The following GPM6A variants were observed in gnomAD, a reference collection of about 807,000 sequenced individuals.
GPM6A encodes the protein neuronal membrane glycoprotein M6-a.
GPM6A carries 7 observed loss-of-function variants against 32.1 expected under a neutral mutation model. That is an observed-to-expected ratio of 0.22 (90% CI 0.12 to 0.41). The LOEUF (loss-of-function observed/expected upper bound fraction) is 0.41, where lower values mean the gene tolerates loss of function less well. Among genes scored for constraint, GPM6A ranks in the 10% least tolerant of loss-of-function variants. The pLI is 1.00. For missense variants in GPM6A, 235 were observed against 347.2 expected (o/e 0.68, Z 2.57); for synonymous variants, 130 against 123.4 (o/e 1.05, Z -0.35).
chr4:175,914,087 GGTTTTTAGGGCTTCCACAT>G (rs1738407863), intron 1 of GPM6A, among the ~76,000 whole-genome samples: 1 of 151,950 alleles, frequency 6.6e-6, no homozygotes, highest in South Asian at 2.1e-4. Context: ...TCCCTAAGAG[GGTTTTTAGGGCTTCCACAT>G]TTAAGGGAGG....
intron 6 of GPM6A, among the ~76,000 whole-genome samples, chr4:175,637,935 G>T (rs551562102): frequency 4.5e-5 from 6 of 132,144 alleles, no homozygotes. Flanking sequence ...GAAACTCAAG[G>T]TCACTCCAAT....
At chr4:175,878,690 T>C (rs1178928765) in intron 1 of GPM6A, among the ~76,000 whole-genome samples, 3 of 152,118 alleles carry the variant, frequency 2.0e-5, no homozygotes, top group African/African-American at 7.2e-5. Context: ...TGAAGGTTTC[T>C]GACATGCCCT....
chr4:175,947,301 T>C (rs558421628), intron 1 of GPM6A, among the ~76,000 whole-genome samples: 1 of 152,196 alleles, frequency 6.6e-6, no homozygotes, highest in Admixed American at 6.5e-5. Flanking sequence ...CTTCCTGTGA[T>C]TTCCACAGCA....
chr4:175,784,742 T>C (rs950841455), intron 1 of GPM6A, among the ~76,000 whole-genome samples: 1 of 152,104 alleles, frequency 6.6e-6, no homozygotes, highest in African/African-American at 2.4e-5. Flanking sequence ...TGTGTGTGTG[T>C]TTGTGTAATC....
In GPM6A at chr4:175,697,994, T is replaced by C. The variant is rs528943207; in HGVS notation, c.230+3581A>G. On this transcript the variant is annotated intron_variant, in intron 2 of 6. Coordinates refer to ENST00000393658, the MANE Select transcript of GPM6A (RefSeq NM_201591.3). The stretch of plus-strand genomic sequence containing the variant: ...AACCGAATAGTCACACGTCATTGCG[T>C]TTGCTGTTGCCTTTCATGTCTCCCT... Among the ~76,000 whole-genome samples the C allele has an allele frequency of 2.0e-3, 301 of 152,278 alleles. 3 individuals carry two copies. The highest frequency in any genetic ancestry group is 0.017 in the Middle Eastern group (5 of 294).
intron 1 of GPM6A, among the ~76,000 whole-genome samples, chr4:175,902,117 G>A (rs567881127): frequency 4.1e-4 from 62 of 152,054 alleles, no homozygotes; most frequent in Non-Finnish European, 7.9e-4. Flanking sequence ...GCAAAAGGAT[G>A]GATAAAAATT....
chr4:175,881,057 A>G (rs1213848846), intron 1 of GPM6A, among the ~76,000 whole-genome samples: 22 of 152,180 alleles, frequency 1.4e-4, no homozygotes, highest in Non-Finnish European at 4.4e-5. Flanking sequence ...TGAACAGGCA[A>G]CCTACAGAAT....
chr4:175,861,749 G>GAAA (rs10716525), intron 1 of GPM6A, among the ~76,000 whole-genome samples: 17 of 87,224 alleles, frequency 1.9e-4, no homozygotes, highest in East Asian at 6.5e-4. Context: ...AAGAGACTCT[G>GAAA]AAAAAAAAAA....
intron 1 of GPM6A, among the ~76,000 whole-genome samples, chr4:175,705,702 C>A (rs571943852): frequency 6.2e-4 from 94 of 152,146 alleles, no homozygotes; most frequent in Non-Finnish European, 1.3e-3. Flanking sequence ...TTTAAGGCTG[C>A]GGATCTTGCT....
chr4:175,684,098 G>A (rs1381913338), intron 2 of GPM6A, among the ~76,000 whole-genome samples: 1 of 151,960 alleles, frequency 6.6e-6, no homozygotes, highest in East Asian at 1.9e-4. Flanking sequence ...CAAAGTGCTG[G>A]TATTACAGGC....
chr4:175,725,325 T>C (rs1746349550), intron 1 of GPM6A, among the ~76,000 whole-genome samples: 1 of 150,224 alleles, frequency 6.7e-6, no homozygotes, highest in Admixed American at 6.7e-5. Context: ...AGAGTCTTGC[T>C]CTGTCACCCA....
intron 1 of GPM6A, among the ~76,000 whole-genome samples, chr4:175,920,743 G>A (rs182438960): frequency 2.0e-4 from 30 of 152,080 alleles, no homozygotes; most frequent in African/African-American, 7.0e-4. Context: ...TAGCTACTCA[G>A]GCGGCTGAGG....
chr4:175,832,778 G>A (rs1219256568), intron 1 of GPM6A, among the ~76,000 whole-genome samples: 1 of 152,138 alleles, frequency 6.6e-6, no homozygotes, highest in Non-Finnish European at 1.5e-5. Flanking sequence ...CTCTTTTAAT[G>A]CAAGAGAAAG....
intron 1 of GPM6A, among the ~76,000 whole-genome samples, chr4:175,822,447 T>A (rs1015817445): frequency 6.6e-6 from 1 of 152,164 alleles, no homozygotes; most frequent in Non-Finnish European, 1.5e-5. Context: ...AATGATTACA[T>A]AAGTTGTCTG....
chr4:175,985,833 T>A (rs1488846529), intron 1 of GPM6A, among the ~76,000 whole-genome samples: 1 of 152,064 alleles, frequency 6.6e-6, no homozygotes, highest in Non-Finnish European at 1.5e-5. Context: ...TGAGATGGAG[T>A]CTTGCTCTGT....
intron 1 of GPM6A, among the ~76,000 whole-genome samples, chr4:175,983,917 C>G (rs1312650463): frequency 6.6e-6 from 1 of 151,996 alleles, no homozygotes; most frequent in Non-Finnish European, 1.5e-5. Context: ...TTCTTTGTTG[C>G]AAGCTTTACA....
intron 3 of GPM6A, among the ~76,000 whole-genome samples, chr4:175,669,293 T>A (rs1005974320): frequency 6.6e-6 from 1 of 152,162 alleles, no homozygotes; most frequent in African/African-American, 2.4e-5. Flanking sequence ...TGTGGCCAAA[T>A]CTACAAACAC....
At chr4:175,853,033 C>T (rs865908648) in intron 1 of GPM6A, among the ~76,000 whole-genome samples, 2 of 152,072 alleles carry the variant, frequency 1.3e-5, no homozygotes, top group African/African-American at 2.4e-5. Flanking sequence ...TTAGATCTAA[C>T]GTCCTCTCCT....
At chr4:175,737,067 G>T (rs894265957) in intron 1 of GPM6A, among the ~76,000 whole-genome samples, 2 of 152,144 alleles carry the variant, frequency 1.3e-5, no homozygotes, top group Non-Finnish European at 2.9e-5. Flanking sequence ...GACTTTTAAA[G>T]AACTCTAGAT....
Sources: gnomAD v4.1 joint callset for allele counts (sites outside exome capture counted in the v4.1 genomes callset) on GRCh38, gnomAD v4.1.1 for gene constraint, MANE v1.5 for transcripts, NCBI Gene and HGNC (gene_info 2026-07-23, HGNC 2026-07-21) for gene names.